The following FARS2 variants were observed in gnomAD, a reference collection of about 807,000 sequenced individuals.
FARS2 encodes the protein phenylalanine--tRNA ligase, mitochondrial.
Under a neutral mutation model 46.4 loss-of-function variants are expected in FARS2, and 40 were observed. The ratio of observed to expected loss-of-function variants is 0.86; its 90% CI spans 0.67 to 1.12. FARS2 has a LOEUF of 1.12. Among genes scored for constraint, FARS2 ranks in the 50% most tolerant of loss-of-function variants. FARS2 has a pLI of 0.00. For synonymous variants in FARS2, 234 were observed against 214.9 expected (o/e 1.09, Z -0.78); for missense variants, 513 against 567.9 (o/e 0.90, Z 0.98).
At chr6:5,256,200 T>C (rs956999515), upstream of FARS2, among the ~76,000 whole-genome samples, 1 of 151,956 alleles carries the variant, frequency 6.6e-6, no homozygotes, top group African/African-American at 2.4e-5. Context: ...TTTAAGAATG[T>C]GGTTCTTGGC....
In FARS2 at chr6:5,491,821, A is replaced by G. The variant is rs535257647; in HGVS notation, c.905-53359A>G. Among the ~76,000 whole-genome samples, 304 of 152,374 alleles carry G rather than the reference A, an allele frequency of 2.0e-3. 2 individuals carry two copies. Among genetic ancestry groups the G allele is most frequent in the African/African-American group, 7.1e-3 (294 of 41,594 alleles). On this transcript the variant is annotated intron_variant, in intron 4 of 6. Coordinates refer to ENST00000274680, the MANE Select transcript of FARS2 (RefSeq NM_006567.5). Reference sequence around the variant, plus strand: ...CCACTCTTGTGACACCTCACATGTAAGTATAAAGCACAATGAATTCCATGA... The same window carrying G: ...CCACTCTTGTGACACCTCACATGTAGGTATAAAGCACAATGAATTCCATGA...
chr6:5,639,721 G>A (rs969464181), intron 6 of FARS2, among the ~76,000 whole-genome samples: 7 of 148,922 alleles, frequency 4.7e-5, no homozygotes, highest in African/African-American at 1.5e-4. Context: ...GAGTGTAAGC[G>A]CTTGAAAAGT....
intron 2 of FARS2, among the ~76,000 whole-genome samples, chr6:5,378,062 T>A (rs1241449271): frequency 6.6e-6 from 1 of 152,204 alleles, no homozygotes; most frequent in Non-Finnish European, 1.5e-5. Flanking sequence ...AGTGAAGGTG[T>A]ACAGAGAAGT....
At chr6:5,371,514 A>G (rs765516347) in intron 2 of FARS2, among the ~76,000 whole-genome samples, 2 of 152,194 alleles carry the variant, frequency 1.3e-5, no homozygotes, top group Non-Finnish European at 2.9e-5. Context: ...TAATCTATAC[A>G]CTTAGCTATT....
intron 3 of FARS2, among the ~76,000 whole-genome samples, chr6:5,405,784 G>C (rs558820897): frequency 6.6e-6 from 1 of 152,046 alleles, no homozygotes; most frequent in Non-Finnish European, 1.5e-5. Context: ...GATCCACGGC[G>C]CCCGGCCCAG....
chr6:5,290,142 G>T (rs1767401781), intron 1 of FARS2, among the ~76,000 whole-genome samples: 1 of 152,112 alleles, frequency 6.6e-6, no homozygotes, highest in Non-Finnish European at 1.5e-5. Flanking sequence ...TTGATTTTTG[G>T]TATATTTTGA....
intron 5 of FARS2, among the ~76,000 whole-genome samples, chr6:5,578,685 T>C (rs6927274): frequency 0.2 from 30,784 of 150,972 alleles, 3,345 homozygotes; most frequent in East Asian, 0.4. Flanking sequence ...GGTGGGCGCC[T>C]ATAGTCCCAG....
At chr6:5,362,764 C>T (rs960316617) in intron 1 of FARS2, among the ~76,000 whole-genome samples, 10 of 152,074 alleles carry the variant, frequency 6.6e-5, no homozygotes, top group African/African-American at 1.7e-4. Flanking sequence ...TTGGTAATAG[C>T]GGTTCTAACA....
intron 5 of FARS2, among the ~76,000 whole-genome samples, chr6:5,546,733 CT>C (rs545503026): frequency 4.7e-4 from 68 of 144,730 alleles, no homozygotes; most frequent in Admixed American, 1.0e-3. Flanking sequence ...GGTTGCTCAT[CT>C]TTTTTTTTTT....
At chr6:5,726,594 C>T (rs1348179426) in intron 6 of FARS2, among the ~76,000 whole-genome samples, 3 of 152,124 alleles carry the variant, frequency 2.0e-5, no homozygotes, top group African/African-American at 7.2e-5. Context: ...ATTGTCTTAA[C>T]GATATTTTTA....
intron 5 of FARS2, among the ~76,000 whole-genome samples, chr6:5,558,607 G>C (rs1467976651): frequency 6.6e-6 from 1 of 151,938 alleles, no homozygotes; most frequent in Non-Finnish European, 1.5e-5. Flanking sequence ...CATGATCTCG[G>C]CTCACTGCAA....
intron 4 of FARS2, among the ~76,000 whole-genome samples, chr6:5,539,369 C>G (rs1395004875): frequency 3.9e-5 from 3 of 76,506 alleles, no homozygotes; most frequent in Admixed American, 3.0e-4. Flanking sequence ...ACCATGCCCA[C>G]CTAATTTTTT....
chr6:5,409,950 A>G (rs1582023131), intron 3 of FARS2, among the ~76,000 whole-genome samples: 1 of 152,060 alleles, frequency 6.6e-6, no homozygotes, highest in Admixed American at 6.6e-5. Flanking sequence ...ATTGCCTCTC[A>G]GGGGAGATGT....
chr6:5,509,913 A>G (rs977152844), intron 4 of FARS2, among the ~76,000 whole-genome samples: 1 of 152,160 alleles, frequency 6.6e-6, no homozygotes, highest in Non-Finnish European at 1.5e-5. Context: ...CTCTTACTCA[A>G]AATACATTAT....
intron 1 of FARS2, among the ~76,000 whole-genome samples, chr6:5,293,666 G>GA (rs1239402419): frequency 6.6e-6 from 1 of 152,174 alleles, no homozygotes; most frequent in African/African-American, 2.4e-5. Context: ...AAACAAATTA[G>GA]AAACTCCATG....
intron 6 of FARS2, among the ~76,000 whole-genome samples, chr6:5,692,524 TC>T (rs1757815151): frequency 3.3e-5 from 5 of 152,184 alleles, no homozygotes; most frequent in Admixed American, 3.3e-4. Context: ...CACTGTGAAG[TC>T]ATGCTCAGAA....
intron 6 of FARS2, among the ~76,000 whole-genome samples, chr6:5,667,227 A>G (rs1778175472): frequency 6.6e-6 from 1 of 152,142 alleles, no homozygotes; most frequent in Non-Finnish European, 1.5e-5. Context: ...ATAAAAATAA[A>G]GATTAAATTT....
chr6:5,560,080 T>C (rs1374341938), intron 5 of FARS2, among the ~76,000 whole-genome samples: 1 of 152,196 alleles, frequency 6.6e-6, no homozygotes, highest in Non-Finnish European at 1.5e-5. Context: ...CTTTCATTCT[T>C]TTTGGAGTAA....
chr6:5,443,436 C>T (rs899800227), intron 4 of FARS2, among the ~76,000 whole-genome samples: 7 of 152,250 alleles, frequency 4.6e-5, no homozygotes, highest in South Asian at 2.1e-4. Context: ...ATATACTTCT[C>T]TGCCCTGTTG....
Sources: gnomAD v4.1 joint callset for allele counts (sites outside exome capture counted in the v4.1 genomes callset) on GRCh38, gnomAD v4.1.1 for gene constraint, MANE v1.5 for transcripts, NCBI Gene and HGNC (gene_info 2026-07-23, HGNC 2026-07-21) for gene names.